The following ADCK1 variants were observed in gnomAD, a reference collection of about 807,000 sequenced individuals.
ADCK1 encodes aarF domain containing kinase 1, also known as aarF domain-containing protein kinase 1.
A neutral mutation model predicts 52.3 loss-of-function variants in ADCK1; 41 were observed. The ratio of observed to expected loss-of-function variants is 0.78; its 90% CI spans 0.61 to 1.02. The LOEUF (loss-of-function observed/expected upper bound fraction) is 1.02, where lower values mean the gene tolerates loss of function less well. Among genes scored for constraint, ADCK1 ranks in the 50% least tolerant of loss-of-function variants. ADCK1 has a pLI of 0.00. For synonymous variants in ADCK1, 250 were observed against 274.6 expected, an observed-to-expected ratio of 0.91 and a Z score of 0.89; for missense variants, 658 against 679.5, an observed-to-expected ratio of 0.97 and a Z score of 0.35.
intron 1 of ADCK1, among the ~76,000 whole-genome samples, chr14:77,811,591 C>A (rs2081339901): frequency 1.3e-5 from 2 of 152,098 alleles, no homozygotes; most frequent in African/African-American, 4.8e-5. Flanking sequence ...AAGATTGAGT[C>A]CAGGAGTTCA....
chr14:77,910,674 A>G (rs2083771859), intron 7 of ADCK1, among the ~76,000 whole-genome samples: 1 of 152,216 alleles, frequency 6.6e-6, no homozygotes, highest in South Asian at 2.1e-4. Context: ...AATGGTGTTT[A>G]ATCAGAGGCA....
intron 3 of ADCK1, among the ~76,000 whole-genome samples, chr14:77,849,427 G>T (rs2082238434): frequency 6.6e-6 from 1 of 151,930 alleles, no homozygotes; most frequent in African/African-American, 2.4e-5. Context: ...GAGTTCTTTA[G>T]AACGGTGTTA....
chr14:77,826,491 A>G (rs1352028089), intron 3 of ADCK1, among the ~76,000 whole-genome samples: 11 of 152,190 alleles, frequency 7.2e-5, no homozygotes, highest in Non-Finnish European at 1.3e-4. Flanking sequence ...TTCTAGAGGC[A>G]TAGTGGCCCT....
intron 3 of ADCK1, among the ~76,000 whole-genome samples, chr14:77,825,286 G>A (rs749541132): frequency 1.8e-4 from 28 of 152,148 alleles, no homozygotes; most frequent in Non-Finnish European, 3.4e-4. Flanking sequence ...CCTGTATCCT[G>A]CCACCTCCCT....
At chr14:77,803,659 A>C (rs956092965) in intron 1 of ADCK1, among the ~76,000 whole-genome samples, 1 of 152,172 alleles carries the variant, frequency 6.6e-6, no homozygotes, top group Admixed American at 6.5e-5. Flanking sequence ...CATTTGATAG[A>C]CTGAAATGGC....
At chr14:77,887,692 A>T (rs762572791) in intron 5 of ADCK1, among the ~76,000 whole-genome samples, 1 of 152,246 alleles carries the variant, frequency 6.6e-6, no homozygotes, top group African/African-American at 2.4e-5. Context: ...AGAAACATCT[A>T]TGCAGGTTGC....
rs374180967 is a variant in ADCK1, at chr14:77,905,304, G to T, written c.742-2499G>T. On this transcript the variant is annotated intron_variant, in intron 6 of 10. Transcript: ENST00000238561. ...TCCACCTGTGACTCTTTCCTAGCTG[G>T]TTTTTTTTTTTTTTTTTTTTGAGAT... Among the ~76,000 whole-genome samples, 74 of 96,252 alleles carry T rather than the reference G, an allele frequency of 7.7e-4. 2 individuals are homozygous for T. In the South Asian group the frequency reaches 0.011, roughly 14 times the overall value. 63.1% of individuals were successfully genotyped at this position (96,252 alleles called of 152,430 possible). A position where few individuals can be genotyped will look rare whatever the true frequency, so the allele number is the denominator to read the frequency against.
intron 4 of ADCK1, among the ~76,000 whole-genome samples, chr14:77,870,124 G>A (rs1019201218): frequency 1.3e-5 from 2 of 152,246 alleles, no homozygotes; most frequent in Non-Finnish European, 2.9e-5. Flanking sequence ...GCATTGGCTG[G>A]ATGTGTTACA....
rs181138075 is a variant in ADCK1, at chr14:77,865,928, G to A, written c.423+6649G>A. ...GTGTATTGTGCTGTGTGCTTTTTAT[G>A]AGCAGGTACTGGGGTTCTGAGAGAC... On this transcript the variant is annotated intron_variant, in intron 4 of 10. Transcript: ENST00000238561. 2.9e-3 allele frequency among the ~76,000 whole-genome samples: 447 copies of A among 152,268 alleles called. 1 individual carries two copies. Among genetic ancestry groups the A allele is most frequent in the African/African-American group, 0.01 (429 of 41,544 alleles).
At chr14:77,897,184 G>A (rs2083429196) in intron 5 of ADCK1, among the ~76,000 whole-genome samples, 1 of 152,202 alleles carries the variant, frequency 6.6e-6, no homozygotes, top group African/African-American at 2.4e-5. Context: ...AGAGATGGTT[G>A]TTCTCAGATA....
At chr14:77,924,698 C>A in intron 8 of ADCK1, 92 bp downstream of exon 8, 1 of 1,518,662 alleles carries the variant, frequency 6.6e-7, no homozygotes, top group South Asian at 1.2e-5. Flanking sequence ...AGGGAGATAG[C>A]GAGGGTAGCT....
chr14:77,877,739 G>A (rs2082931882), intron 4 of ADCK1, among the ~76,000 whole-genome samples: 1 of 152,114 alleles, frequency 6.6e-6, no homozygotes, highest in Admixed American at 6.5e-5. Flanking sequence ...CAAATAGCCG[G>A]GACTACAGGT....
chr14:77,824,697 G>A (rs1450480019), intron 3 of ADCK1, among the ~76,000 whole-genome samples: 4 of 151,960 alleles, frequency 2.6e-5, no homozygotes, highest in Non-Finnish European at 5.9e-5. Flanking sequence ...GCCTCCCAAA[G>A]TGCTGAGATT....
At chr14:77,842,444 T>A (rs2082087516) in intron 3 of ADCK1, among the ~76,000 whole-genome samples, 1 of 73,766 alleles carries the variant, frequency 1.4e-5, no homozygotes, top group East Asian at 3.6e-4. Flanking sequence ...TCAGGGTATT[T>A]TTTTTTCCTT....
intron 7 of ADCK1, among the ~76,000 whole-genome samples, chr14:77,914,738 A>G (rs1363496399): frequency 6.6e-6 from 1 of 152,146 alleles, no homozygotes; most frequent in Non-Finnish European, 1.5e-5. Flanking sequence ...CATTGTGTGA[A>G]TTTTGCAAAC....
At chr14:77,818,479 G>A (rs766176017) in intron 1 of ADCK1, among the ~76,000 whole-genome samples, 1 of 152,028 alleles carries the variant, frequency 6.6e-6, no homozygotes, top group African/African-American at 2.4e-5. Flanking sequence ...ACGGGGTTTC[G>A]TCTTGTTGCC....
At chr14:77,855,060 T>G (rs2082389736) in intron 3 of ADCK1, among the ~76,000 whole-genome samples, 1 of 152,270 alleles carries the variant, frequency 6.6e-6, no homozygotes, top group Non-Finnish European at 1.5e-5. Context: ...TCGCATGGAA[T>G]AGCAGCAAAG....
At position 77,907,930 on chromosome 14, in the gene ADCK1, G is replaced by A; in HGVS notation, c.858+11G>A. The A allele has an allele frequency of 6.2e-7, 1 of 1,611,442 alleles. No homozygotes were observed. Among genetic ancestry groups the A allele is most frequent in the South Asian group, 1.1e-5 (1 of 90,912 alleles). ...ATCGACGTCAATGAGGTGAGGTCAA[G>A]AGCTCAGGGCTGCTGTGCCGGGGAA... On this transcript the variant is annotated intron_variant, in intron 7 of 10. Transcript: ENST00000238561.
At chr14:77,903,516 C>T (rs186928311) in intron 6 of ADCK1, among the ~76,000 whole-genome samples, 12 of 152,302 alleles carry the variant, frequency 7.9e-5, no homozygotes, top group African/African-American at 2.9e-4. Flanking sequence ...GGTGAGGGGG[C>T]AGCTAGGCTG....
Sources: allele counts gnomAD v4.1 joint callset (sites outside exome capture counted in the v4.1 genomes callset), GRCh38; gene constraint gnomAD v4.1.1; transcripts MANE v1.5; gene names NCBI Gene and HGNC (gene_info 2026-07-23, HGNC 2026-07-21).